UMODL1: variants seen among roughly 807,000 people sequenced by gnomAD.
UMODL1 encodes the protein uromodulin-like 1.
A neutral mutation model predicts 136.3 loss-of-function variants in UMODL1; 128 were observed. The ratio of observed to expected loss-of-function variants is 0.94; its 90% CI spans 0.81 to 1.09. The LOEUF (loss-of-function observed/expected upper bound fraction) is 1.09. Among genes scored for constraint, UMODL1 ranks in the 50% least tolerant of loss-of-function variants. UMODL1 has a pLI of 0.00. For synonymous variants in UMODL1, 721 were observed against 720.0 expected (o/e 1.00, Z -0.02); for missense variants, 1,766 against 1,725.6 (o/e 1.02, Z -0.41).
chr21:42,070,636 C>T (rs762761826), upstream of UMODL1, among the ~76,000 whole-genome samples: 3 of 152,204 alleles, frequency 2.0e-5, no homozygotes, highest in African/African-American at 4.8e-5. Context: ...AGCATTTCAA[C>T]GCCCGTGTAA....
At position 42,085,956 on chromosome 21, in the gene UMODL1, C is replaced by A. The variant is rs2066422061; in HGVS notation, c.603+544C>A. ...CAAAACTGTCTCCAGACGTCGCCCA[C>A]TGTCCCCTGGGGATAAAAACAAACA... is the stretch of plus-strand genomic sequence containing the variant. On this transcript the variant is annotated intron_variant, in intron 4 of 22. Coordinates refer to ENST00000408910, the MANE Select transcript of UMODL1 (RefSeq NM_001004416.3). This position sits in a 1 kb window ranked among gnomAD's most constrained non-coding sequence, Gnocchi z 4.5. Among the ~76,000 whole-genome samples the A allele has an allele frequency of 6.6e-6, 1 of 152,244 alleles. No individual in the cohort carries two copies. The highest frequency in any genetic ancestry group is 2.4e-5 in the African/African-American group (1 of 41,458).
rs112719730 is a variant in UMODL1 at position 42,088,487 on chromosome 21, C to T, written c.790+7C>T. ...ATCAGCGTCCAGGTGCAAGGTTGGG[C>T]TTCCCTCAATCCTCCCTCTGGGGAG... On this transcript the variant is annotated splice_region_variant and intron_variant, in intron 5 of 22. Transcript: ENST00000408910. The T allele has an allele frequency of 0.043, 67,908 of 1,589,698 alleles. 1,739 individuals are homozygous for T. The highest frequency in any genetic ancestry group is 0.076 in the Middle Eastern group (453 of 5,994).
At chr21:42,125,183 G>A (rs1002701446) in intron 17 of UMODL1, among the ~76,000 whole-genome samples, 5 of 152,204 alleles carry the variant, frequency 3.3e-5, no homozygotes, top group Middle Eastern at 6.3e-3. Context: ...CCGGGTGGAC[G>A]TCCTGAGCAG....
intron 21 of UMODL1, among the ~76,000 whole-genome samples, chr21:42,133,917 TGTTTC>T (rs553365441): frequency 0.023 from 3,162 of 136,752 alleles, 51 homozygotes; most frequent in Middle Eastern, 0.037. Flanking sequence ...TGTTTTGTTT[TGTTTC>T]GTTTTGTTTT....
At chr21:42,118,910 A>G (rs1161918601) in intron 14 of UMODL1, among the ~76,000 whole-genome samples, 1 of 152,142 alleles carries the variant, frequency 6.6e-6, no homozygotes, top group Non-Finnish European at 1.5e-5. Context: ...GGCTCTTCTC[A>G]TATCACAGAC....
At chr21:42,088,508 G>C (rs781504065) in intron 5 of UMODL1, 28 bp downstream of exon 5, 1 of 1,575,334 alleles carries the variant, frequency 6.3e-7, no homozygotes, top group Non-Finnish European at 8.7e-7. Context: ...CCTCCCTCTG[G>C]GGAGGCTGCA....
chr21:42,113,256 G>T lies in UMODL1; in HGVS notation c.2105-317G>T, dbSNP rs545011374. On this transcript the variant is annotated intron_variant, in intron 12 of 22. Transcript: ENST00000408910. Reference sequence around the variant, plus strand: ...CAAGAGTAGACAGTCCATCTGAGGCGCCACCAAGAACCTGCTCAAGAGGCC... The same window carrying T: ...CAAGAGTAGACAGTCCATCTGAGGCTCCACCAAGAACCTGCTCAAGAGGCC... 2.1e-5 allele frequency: 5 copies of T among 234,988 alleles called. No individual in the cohort carries two copies. The East Asian group carries it at 4.8e-4, about 23-fold the overall frequency. 14.6% of individuals were successfully genotyped at this position (234,988 alleles called of 1,614,324 possible).
intron 3 of UMODL1, among the ~76,000 whole-genome samples, chr21:42,084,591 G>A (rs2066403617): frequency 6.6e-6 from 1 of 152,116 alleles, no homozygotes; most frequent in Non-Finnish European, 1.5e-5. Flanking sequence ...CAGTGCCACA[G>A]GGGCCTGACG....
At chr21:42,069,228 A>AC (rs1248478762), upstream of UMODL1, among the ~76,000 whole-genome samples, 16 of 133,440 alleles carry the variant, frequency 1.2e-4, no homozygotes, top group Non-Finnish European at 2.0e-4. Context: ...ACACAGACAG[A>AC]AACACACACA....
At chr21:42,071,590 G>A (rs903587420) in intron 1 of UMODL1, among the ~76,000 whole-genome samples, 198 bp downstream of exon 1, 1 of 152,144 alleles carries the variant, frequency 6.6e-6, no homozygotes, top group Admixed American at 6.5e-5. Context: ...GGAGTGCCGG[G>A]TAGGGTTTTG....
At chr21:42,103,482 C>T (rs901042752) in intron 8 of UMODL1, 3 of 366,568 alleles carry the variant, frequency 8.2e-6, no homozygotes, top group Non-Finnish European at 1.6e-5. Flanking sequence ...CTCCAAATAG[C>T]CATAGGCATT....
intron 2 of UMODL1, 118 bp from the exon 3 acceptor site, chr21:42,083,966 C>A: frequency 7.7e-7 from 1 of 1,295,030 alleles, no homozygotes; most frequent in Non-Finnish European, 1.1e-6. Context: ...GGGCCCCGAA[C>A]AGGCCACAGA....
Position 42,119,106 on chromosome 21 carries a change from C to A in UMODL1, c.2476-5C>A. On this transcript the variant is annotated splice_polypyrimidine_tract_variant and splice_region_variant and intron_variant, in intron 14 of 22. Transcript: ENST00000408910. Reference sequence around the variant, plus strand: ...GACCTCCTCACATGGCCTCTTTCCCCGCAGGTGCGGGGCTCCCTGCCAGCC... The same window carrying A: ...GACCTCCTCACATGGCCTCTTTCCCAGCAGGTGCGGGGCTCCCTGCCAGCC... 1 of 1,611,344 alleles carries A rather than the reference C, an allele frequency of 6.2e-7. No homozygotes were observed. Among genetic ancestry groups the A allele is most frequent in the African/African-American group, 1.3e-5 (1 of 74,964 alleles).
rs1428257496 is a variant in UMODL1 at position 42,122,022 on chromosome 21, G to A, written c.2827+798G>A. Reference sequence around the variant, plus strand: ...GAGAAGCAGGCTGCCCAGGGAGGCGGGTGAGGCAGCAGCCAACTGTGAAGT... The same window carrying A: ...GAGAAGCAGGCTGCCCAGGGAGGCGAGTGAGGCAGCAGCCAACTGTGAAGT... On this transcript the variant is annotated intron_variant, in intron 16 of 22. Transcript: ENST00000408910. The surrounding 1 kb of genome is among the most constrained non-coding windows in gnomAD (Gnocchi z 4.3). Among the ~76,000 whole-genome samples, 1 of 152,190 alleles carries A rather than the reference G, an allele frequency of 6.6e-6. No homozygotes were observed. The highest frequency in any genetic ancestry group is 2.4e-5 in the African/African-American group (1 of 41,440).
intron 1 of UMODL1, among the ~76,000 whole-genome samples, chr21:42,065,708 A>G (rs1022743611): frequency 1.3e-5 from 2 of 151,624 alleles, no homozygotes; most frequent in African/African-American, 2.4e-5. Flanking sequence ...CAGATTTTGT[A>G]TTTTTAGTGG....
intron 1 of UMODL1, among the ~76,000 whole-genome samples, chr21:42,064,925 G>C (rs1415977540): frequency 6.6e-6 from 1 of 152,198 alleles, no homozygotes; most frequent in African/African-American, 2.4e-5. Flanking sequence ...TCCTGACAAA[G>C]AGCGCATATC....
intron 9 of UMODL1, among the ~76,000 whole-genome samples, chr21:42,106,311 C>T (rs572181323): frequency 7.9e-5 from 12 of 152,292 alleles, no homozygotes; most frequent in African/African-American, 2.9e-4. Flanking sequence ...TAGAAGAAGA[C>T]ATTTGATATT....
In UMODL1 at chr21:42,127,704, T is replaced by C. The variant is rs775795182; in HGVS notation, c.3563T>C (p.Ile1188Thr). The C allele has an allele frequency of 1.2e-5, 20 of 1,614,160 alleles. No individual in the cohort carries two copies. Among genetic ancestry groups the C allele is most frequent in the East Asian group, 2.2e-5 (1 of 44,882 alleles). ...GTGCCCAACACATACACCAACGTGA[T>C]TGAGAACGGCAACTCCAATAAGGCC... ...CPVPNTYTNVIENGNSNKAQF... is the reference protein window; with the variant it reads ...CPVPNTYTNVTENGNSNKAQF... Residue 1188 changes from isoleucine (I) to threonine (T), a missense_variant, in exon 20 of 23, where the codon ATT becomes ACT. Physicochemically the swap from Ile to Thr is moderately conservative, Grantham distance 89. Coordinates refer to ENST00000408910, the MANE Select transcript of UMODL1 (RefSeq NM_001004416.3).
Position 42,088,357 on chromosome 21 carries a change from G to T in UMODL1, c.667G>T (p.Ala223Ser). The change falls in exon 5 of 23, where the codon GCC becomes TCC. Residue 223 changes from alanine (A) to serine (S), a missense_variant. Physicochemically the swap from Ala to Ser is moderately conservative, Grantham distance 99 (BLOSUM62 1). Coordinates refer to ENST00000408910, the MANE Select transcript of UMODL1 (RefSeq NM_001004416.3). ...CCACCTGCACTCAGCCCCTGGGAAC[G>T]CCTCCACCACAGTGTCGCGGCTGCT... is the stretch of plus-strand genomic sequence containing the variant. Reference protein sequence around the residue: ...VHHLHSAPGNASTTVSRLLLG... With the variant: ...VHHLHSAPGNSSTTVSRLLLG... 6.2e-7 allele frequency: 1 copy of T among 1,613,812 alleles called. No homozygotes were observed. Among genetic ancestry groups the T allele is most frequent in the East Asian group, 2.2e-5 (1 of 44,868 alleles).
Sources: gnomAD v4.1 joint callset for allele counts (sites outside exome capture counted in the v4.1 genomes callset) on GRCh38, gnomAD v4.1.1 for gene constraint, Gnocchi (gnomAD v3.1) non-coding constraint, MANE v1.5 for transcripts, NCBI Gene and HGNC (gene_info 2026-07-23, HGNC 2026-07-21) for gene names.